The following RBM34 variants were observed in gnomAD, a reference collection of about 807,000 sequenced individuals.
RBM34 encodes RNA-binding protein 34.
RBM34 carries 39 observed loss-of-function variants against 44.6 expected under a neutral mutation model. The ratio of observed to expected loss-of-function variants is 0.87; its 90% CI spans 0.68 to 1.14. The LOEUF (loss-of-function observed/expected upper bound fraction) is 1.14, where lower values mean the gene tolerates loss of function less well. Among genes scored for constraint, RBM34 ranks in the 50% most tolerant of loss-of-function variants. The probability of loss-of-function intolerance (pLI) is 0.00; values close to 1 mark genes in which losing one functional copy is unlikely to be tolerated. For synonymous variants in RBM34, 194 were observed against 184.0 expected (o/e 1.05, Z -0.44); for missense variants, 572 against 517.9 (o/e 1.10, Z -1.01).
chr1:235,136,131 C>T (rs1046682867), intron 8 of RBM34, 58 bp from the exon 9 acceptor site: 14 of 1,435,326 alleles, frequency 9.8e-6, no homozygotes, highest in East Asian at 9.3e-5. Flanking sequence ...TGGAAGTCAT[C>T]GAAAATCCTC....
intron 6 of RBM34, 71 bp from the exon 7 acceptor site, chr1:235,138,245 G>GA: frequency 1.6e-6 from 2 of 1,275,832 alleles, no homozygotes; most frequent in Admixed American, 2.5e-5. Context: ...AAAGTCACTA[G>GA]AAAAAAATCT....
At chr1:235,156,927 GTGTC>G (rs1662475359) in intron 3 of RBM34, among the ~76,000 whole-genome samples, 1 of 152,234 alleles carries the variant, frequency 6.6e-6, no homozygotes, top group Non-Finnish European at 1.5e-5. Context: ...GAGGAAATCA[GTGTC>G]TGGCACATAG....
chr1:235,146,492 G>A (rs1661913140), intron 6 of RBM34, among the ~76,000 whole-genome samples: 1 of 152,158 alleles, frequency 6.6e-6, no homozygotes, highest in African/African-American at 2.4e-5. Context: ...GTTTTATGTG[G>A]GAAGAAGAAC....
At chr1:235,148,590 T>A in intron 5 of RBM34, 143 bp from the exon 6 acceptor site, 1 of 527,060 alleles carries the variant, frequency 1.9e-6, no homozygotes, top group Non-Finnish European at 2.9e-6. Context: ...GAAACAACTG[T>A]CCTAATTTTT....
At chr1:235,132,563 T>G (rs1467023601) in intron 10 of RBM34, among the ~76,000 whole-genome samples, 1 of 152,138 alleles carries the variant, frequency 6.6e-6, no homozygotes, top group Non-Finnish European at 1.5e-5. Flanking sequence ...CACCTTGCCC[T>G]CCCAAAGTGC....
At chr1:235,140,848 A>T (rs971324749) in intron 6 of RBM34, among the ~76,000 whole-genome samples, 1 of 152,202 alleles carries the variant, frequency 6.6e-6, no homozygotes, top group Admixed American at 6.5e-5. Context: ...AGGGTCTGTG[A>T]ATGCACCAAT....
chr1:235,132,065 TCA>T, intron 10 of RBM34, 68 bp from the exon 11 acceptor site: 1 of 1,413,866 alleles, frequency 7.1e-7, no homozygotes, highest in South Asian at 1.4e-5. Context: ...AGTGAAAGTG[TCA>T]CTTTAACAGA....
At chr1:235,135,629 G>C in intron 10 of RBM34, 23 bp downstream of exon 10, 1 of 1,576,888 alleles carries the variant, frequency 6.3e-7, no homozygotes, top group East Asian at 2.2e-5. Context: ...GAAGGACAGT[G>C]ACAATGCATT....
rs994132496 is a variant in RBM34, at chr1:235,137,796, G to C, written c.849+81C>G. 75 of 1,113,948 alleles carry C rather than the reference G, an allele frequency of 6.7e-5. No homozygotes were observed. The African/African-American group carries it at 1.0e-3, about 15-fold the overall frequency. 69.0% of individuals were successfully genotyped at this position (1,113,948 alleles called of 1,614,324 possible). A position where few individuals can be genotyped will look rare whatever the true frequency, so the allele number is the denominator to read the frequency against. Reference sequence around the variant, plus strand: ...CGCTTCCCTCACATTGCTGATTCCAGTCCCCTTCCAGGAAAAGCCTGGAAG... The same window carrying C: ...CGCTTCCCTCACATTGCTGATTCCACTCCCCTTCCAGGAAAAGCCTGGAAG... On this transcript the variant is annotated intron_variant, in intron 8 of 10. Coordinates refer to ENST00000408888, the MANE Select transcript of RBM34 (RefSeq NM_015014.4).
chr1:235,138,009 A>G, intron 7 of RBM34, 69 bp from the exon 8 acceptor site: 2 of 1,534,024 alleles, frequency 1.3e-6, no homozygotes, highest in Non-Finnish European at 1.8e-6. Flanking sequence ...CATCTATGCT[A>G]AAGTGAAACC....
Position 235,131,598 on chromosome 1 carries a change from A to G in RBM34, c.*115T>C, listed in dbSNP as rs1228974342. 1.7e-6 allele frequency: 2 copies of G among 1,150,942 alleles called. No individual in the cohort carries two copies. Among genetic ancestry groups the G allele is most frequent in the South Asian group, 1.6e-5 (1 of 62,128 alleles). 71.3% of individuals were successfully genotyped at this position (1,150,942 alleles called of 1,614,324 possible). On this transcript the variant is annotated 3_prime_UTR_variant, in exon 11 of 11. Coordinates refer to ENST00000408888, the MANE Select transcript of RBM34 (RefSeq NM_015014.4). ...GTGGAAGTCTCCACATTTCACATAC[A>G]CCATCCATAAAGAAGTATAAAACTC... is the stretch of plus-strand genomic sequence containing the variant.
intron 6 of RBM34, among the ~76,000 whole-genome samples, chr1:235,139,619 G>C (rs1661589053): frequency 6.6e-6 from 1 of 152,130 alleles, no homozygotes; most frequent in African/African-American, 2.4e-5. Context: ...ACAAATGCTG[G>C]AGTTCCGCTT....
intron 5 of RBM34, among the ~76,000 whole-genome samples, chr1:235,151,707 T>C (rs767196060): frequency 3.9e-5 from 6 of 152,116 alleles, no homozygotes; most frequent in Admixed American, 1.3e-4. Context: ...AGAAACTCTA[T>C]TCCAGAGAAT....
chr1:235,152,740 T>C lies in RBM34; in HGVS notation c.623A>G (p.Tyr208Cys), dbSNP rs374101025. 1.4e-4 allele frequency: 217 copies of C among 1,592,508 alleles called. No homozygotes were observed. Among genetic ancestry groups the C allele is most frequent in the Non-Finnish European group, 1.8e-4 (207 of 1,171,226 alleles). ...AAATCGTACAGATTCTATTTGTCCA[T>C]ACTCTTTAAAAAACGACTTCAGCTT... Reference protein sequence around the residue: ...KKKLKSFFKEYGQIESVRFRS... With the variant: ...KKKLKSFFKECGQIESVRFRS... The change falls in exon 5 of 11, where the codon TAT (tyrosine) becomes TGT (cysteine). Residue 208 changes from tyrosine (Y) to cysteine (C), a missense_variant. Coordinates refer to ENST00000408888, the MANE Select transcript of RBM34 (RefSeq NM_015014.4).
chr1:235,138,200 A>G, intron 6 of RBM34, 26 bp from the exon 7 acceptor site: 3 of 1,538,954 alleles, frequency 1.9e-6, no homozygotes, highest in Non-Finnish European at 2.6e-6. Context: ...AAAAAGAAAG[A>G]AAGAAAAGAG....
chr1:235,156,540 G>C, intron 3 of RBM34: 1 of 403,334 alleles, frequency 2.5e-6, no homozygotes, highest in South Asian at 2.0e-5. Flanking sequence ...ATGGCTGATA[G>C]GAAAAACCAG....
intron 10 of RBM34, among the ~76,000 whole-genome samples, 165 bp from the exon 11 acceptor site, chr1:235,132,162 ATGCTCGTCACCAG>A (rs376093925): frequency 1.8e-4 from 28 of 152,156 alleles, no homozygotes; most frequent in African/African-American, 6.5e-4. Flanking sequence ...CCTCATCACC[ATGCTCGTCACCAG>A]TGTTTCCTCA....
intron 4 of RBM34, 126 bp from the exon 5 acceptor site, chr1:235,152,891 C>CA (rs1662224786): frequency 1.3e-6 from 1 of 747,794 alleles, no homozygotes. Context: ...TTTTTTGAGA[C>CA]AGAGTCTTGC....
At chr1:235,134,082 A>C (rs1661315924) in intron 10 of RBM34, among the ~76,000 whole-genome samples, 1 of 151,998 alleles carries the variant, frequency 6.6e-6, no homozygotes, top group Non-Finnish European at 1.5e-5. Context: ...TCTGCCATCC[A>C]GGTTGGGTGG....
Sources: gnomAD v4.1 joint callset for allele counts (sites outside exome capture counted in the v4.1 genomes callset) on GRCh38, gnomAD v4.1.1 for gene constraint, MANE v1.5 for transcripts, NCBI Gene and HGNC (gene_info 2026-07-23, HGNC 2026-07-21) for gene names.